Variants in ADK observed in about 807,000 individuals in gnomAD.
ADK encodes the protein adenosine kinase.
In ADK, 24 loss-of-function variants were observed where a neutral mutation model predicts 44.7. The observed-to-expected ratio is 0.54, with a 90% CI of 0.39 to 0.76. The LOEUF (loss-of-function observed/expected upper bound fraction) is 0.76. Among genes scored for constraint, ADK ranks in the 30% least tolerant of loss-of-function variants. The pLI, the probability that ADK is intolerant of heterozygous loss-of-function variation, is 0.00. For synonymous variants in ADK, 128 were observed against 142.6 expected (o/e 0.90, Z 0.73); for missense variants, 321 against 425.1 (o/e 0.76, Z 2.15).
intron 7 of ADK, among the ~76,000 whole-genome samples, chr10:74,527,147 G>A (rs1849075426): frequency 6.6e-6 from 1 of 152,330 alleles, no homozygotes; most frequent in Admixed American, 6.5e-5. Flanking sequence ...GGATCACGAG[G>A]TCAGGAGATT....
intron 2 of ADK, among the ~76,000 whole-genome samples, chr10:74,205,146 C>T (rs900797042): frequency 6.0e-5 from 9 of 150,692 alleles, no homozygotes; most frequent in East Asian, 1.9e-4. Flanking sequence ...TTATGGAGAA[C>T]GAGATTACTG....
At chr10:74,654,908 G>A (rs1179759554) in intron 9 of ADK, 1 of 153,434 alleles carries the variant, frequency 6.5e-6, no homozygotes, top group African/African-American at 2.4e-5. Flanking sequence ...CAGCAGGTTA[G>A]TCGCAGGTGA....
chr10:74,171,810 C>G (rs11000906), intron 1 of ADK, among the ~76,000 whole-genome samples: 66,574 of 143,842 alleles, frequency 0.46, 15,451 homozygotes, highest in Middle Eastern at 0.57. Context: ...CTCTGTCTCT[C>G]TGTGTGTGTG....
chr10:74,691,963 A>G (rs866350262), intron 10 of ADK, among the ~76,000 whole-genome samples: 4 of 152,180 alleles, frequency 2.6e-5, no homozygotes, highest in African/African-American at 9.7e-5. Context: ...CAATTTGGCA[A>G]TCTCTTACAA....
chr10:74,616,021 A>G (rs1313580043), intron 9 of ADK, among the ~76,000 whole-genome samples: 2 of 152,032 alleles, frequency 1.3e-5, no homozygotes, highest in African/African-American at 4.8e-5. Flanking sequence ...GCTTACTGGC[A>G]TTTGGATATC....
At chr10:74,359,175 A>G (rs1369959300) in intron 4 of ADK, among the ~76,000 whole-genome samples, 2 of 152,086 alleles carry the variant, frequency 1.3e-5, no homozygotes, top group Admixed American at 6.6e-5. Context: ...TCTTTGGTCT[A>G]TATATTTATT....
At position 74,466,092 on chromosome 10, in the gene ADK, TC is replaced by T. The variant is rs555945425; in HGVS notation, c.556-59161del. 1.3e-3 allele frequency among the ~76,000 whole-genome samples: 197 copies of T among 152,280 alleles called. 1 individual carries two copies. The highest frequency in any genetic ancestry group is 4.5e-3 in the African/African-American group (186 of 41,570). ...TTTTTGTCTCACTAATATATTCGTA[TC>T]CCTCTTCCCCCTTCTTGGCAAACTT... On this transcript the variant is annotated intron_variant, in intron 6 of 10. Transcript: ENST00000539909.
At chr10:74,155,579 G>C (rs1841723435) in intron 1 of ADK, among the ~76,000 whole-genome samples, 1 of 152,134 alleles carries the variant, frequency 6.6e-6, no homozygotes, top group East Asian at 1.9e-4. Context: ...GCCCAGGCTG[G>C]AGTGCAGTGG....
intron 6 of ADK, among the ~76,000 whole-genome samples, chr10:74,460,665 A>G (rs1421832310): frequency 1.3e-5 from 2 of 152,164 alleles, no homozygotes; most frequent in African/African-American, 4.8e-5. Context: ...TACCATGACA[A>G]TTTAAATACT....
At chr10:74,613,024 A>T (rs1852614086) in intron 9 of ADK, among the ~76,000 whole-genome samples, 1 of 152,026 alleles carries the variant, frequency 6.6e-6, no homozygotes, top group South Asian at 2.1e-4. Context: ...TATTTTGGTT[A>T]CTATACCCTA....
intron 2 of ADK, among the ~76,000 whole-genome samples, chr10:74,206,668 A>G (rs549369274): frequency 6.6e-6 from 1 of 152,270 alleles, no homozygotes; most frequent in South Asian, 2.1e-4. Context: ...ATGCCTCCAG[A>G]TGTTTGTTAG....
intron 6 of ADK, among the ~76,000 whole-genome samples, chr10:74,400,388 C>T (rs1037072318): frequency 3.9e-5 from 6 of 152,062 alleles, no homozygotes; most frequent in Admixed American, 1.3e-4. Context: ...ATACCTGGGA[C>T]GCTGTATATT....
intron 6 of ADK, among the ~76,000 whole-genome samples, chr10:74,477,699 A>T (rs1378893696): frequency 2.0e-5 from 3 of 152,042 alleles, no homozygotes; most frequent in African/African-American, 7.3e-5. Flanking sequence ...ATAGTCTCAC[A>T]CCTTCCCTCT....
intron 3 of ADK, among the ~76,000 whole-genome samples, 161 bp downstream of exon 3, chr10:74,224,752 A>G (rs1476825505): frequency 6.6e-6 from 1 of 152,240 alleles, no homozygotes; most frequent in East Asian, 1.9e-4. Context: ...TATATAATTT[A>G]CACTACATAA....
intron 9 of ADK, among the ~76,000 whole-genome samples, chr10:74,658,635 T>A (rs893680983): frequency 1.3e-5 from 2 of 151,800 alleles, no homozygotes; most frequent in African/African-American, 4.8e-5. Context: ...CAGCTTGTTG[T>A]GCAGGCTGGT....
At chr10:74,245,676 T>A (rs1845389097) in intron 3 of ADK, among the ~76,000 whole-genome samples, 1 of 151,756 alleles carries the variant, frequency 6.6e-6, no homozygotes, top group African/African-American at 2.4e-5. Context: ...CTGCAATGTC[T>A]GCCTCCCAGG....
rs1842350652 is a variant in ADK, at chr10:74,176,691, T to C, written c.66-24073T>C. ...TTCGCACGGGGCGGAGCGCCCGCCTTCCCTCCAATCAGCACGCCGGGCCGG... is the reference window on the plus strand; with the variant it reads ...TTCGCACGGGGCGGAGCGCCCGCCTCCCCTCCAATCAGCACGCCGGGCCGG... On this transcript the variant is annotated intron_variant, in intron 1 of 10. Coordinates refer to ENST00000539909, the MANE Select transcript of ADK (RefSeq NM_006721.4). The C allele has an allele frequency of 5.5e-6, 8 of 1,448,870 alleles. No individual in the cohort carries two copies. The South Asian group carries it at 1.1e-4, about 20-fold the overall frequency. 89.8% of individuals were successfully genotyped at this position (1,448,870 alleles called of 1,614,324 possible). A position where few individuals can be genotyped will look rare whatever the true frequency, so the allele number is the denominator to read the frequency against.
At chr10:74,700,690 A>G (rs1004622219) in intron 10 of ADK, among the ~76,000 whole-genome samples, 1 of 152,186 alleles carries the variant, frequency 6.6e-6, no homozygotes, top group Non-Finnish European at 1.5e-5. Flanking sequence ...ACCTTTACTA[A>G]AAGAATACAG....
At chr10:74,174,359 A>G (rs1415175645) in intron 1 of ADK, 1 of 149,646 alleles carries the variant, frequency 6.7e-6, no homozygotes, top group Non-Finnish European at 1.5e-5. Flanking sequence ...AAAGTCATAC[A>G]GGTAATAGGA....
Sources: gnomAD v4.1 joint callset for allele counts (sites outside exome capture counted in the v4.1 genomes callset) on GRCh38, gnomAD v4.1.1 for gene constraint, MANE v1.5 for transcripts, NCBI Gene and HGNC (gene_info 2026-07-23, HGNC 2026-07-21) for gene names.